Variants in ZNF557 observed in about 807,000 individuals in gnomAD.
ZNF557 encodes the protein zinc finger protein 557.
A neutral mutation model predicts 21.2 loss-of-function variants in ZNF557; 19 were observed. The ratio of observed to expected loss-of-function variants is 0.90; its 90% CI spans 0.63 to 1.32. ZNF557 has a LOEUF of 1.32. ZNF557 is among the 40% of genes most tolerant of loss of function. The pLI is 0.00. For synonymous variants in ZNF557, 207 were observed against 194.8 expected (o/e 1.06, Z -0.52); for missense variants, 487 against 519.8 (o/e 0.94, Z 0.61).
At chr19:7,080,717 C>T (rs1226379616) in intron 5 of ZNF557, among the ~76,000 whole-genome samples, 1 of 152,208 alleles carries the variant, frequency 6.6e-6, no homozygotes, top group Non-Finnish European at 1.5e-5. Context: ...TCACAAATCT[C>T]TCTTACCCAG....
At chr19:7,082,098 C>A (rs1425257079) in intron 7 of ZNF557, 46 bp downstream of exon 7, 1 of 1,478,208 alleles carries the variant, frequency 6.8e-7, no homozygotes. Context: ...TGGTAGAATG[C>A]CCTACATGAG....
At chr19:7,072,493 T>C (rs1977481656) in intron 2 of ZNF557, among the ~76,000 whole-genome samples, 1 of 152,204 alleles carries the variant, frequency 6.6e-6, no homozygotes, top group Admixed American at 6.5e-5. Flanking sequence ...GGCTCTCCAC[T>C]GCCTCTCATG....
intron 2 of ZNF557, among the ~76,000 whole-genome samples, chr19:7,073,148 G>GTTT (rs72453814): frequency 0.024 from 1,099 of 45,108 alleles, 8 homozygotes; most frequent in Non-Finnish European, 0.041. Context: ...TGTTTTTTTG[G>GTTT]TTTTTTTTGT....
chr19:7,079,879 T>G (rs973954191), intron 5 of ZNF557, among the ~76,000 whole-genome samples: 9 of 152,216 alleles, frequency 5.9e-5, no homozygotes, highest in African/African-American at 2.2e-4. Flanking sequence ...TAAAGCATCT[T>G]ACAACTCTGA....
chr19:7,071,799 CAAAAAA>C (rs71177147), intron 2 of ZNF557, among the ~76,000 whole-genome samples: 3 of 55,020 alleles, frequency 5.5e-5, no homozygotes. Flanking sequence ...GACTGCATCT[CAAAAAA>C]AAAAAAAAAA....
At position 7,087,650 on chromosome 19, in the gene ZNF557, A is replaced by C; in HGVS notation, c.*3906A>C. ...TTCTGCATATTACTAGACTTCTTAC[A>C]TGATCACAAGTAACCACTAATTGGT... On this transcript the variant is annotated 3_prime_UTR_variant, in exon 8 of 8. Transcript: ENST00000252840. 1 of 152,030 alleles carries C rather than the reference A, an allele frequency of 6.6e-6. No homozygotes were observed. Among genetic ancestry groups the C allele is most frequent in the Non-Finnish European group, 1.5e-5 (1 of 68,028 alleles). The allele number at this position is 152,030 out of a possible 1,614,324, so 9.4% of individuals were successfully genotyped here. A position where few individuals can be genotyped will look rare whatever the true frequency, so the allele number is the denominator to read the frequency against.
rs1238051718 is a variant in ZNF557, at chr19:7,082,203, CAG to C, written c.426+152_426+153del. 3 of 8,736 alleles carry C rather than the reference CAG, an allele frequency of 3.4e-4. No individual in the cohort carries two copies. In the Admixed American group the frequency reaches 0.012, roughly 34 times the overall value. The allele number at this position is 8,736 out of a possible 1,614,324, so 0.5% of individuals were successfully genotyped here. A position where few individuals can be genotyped will look rare whatever the true frequency, so the allele number is the denominator to read the frequency against. ...AGCTGAGGCAGTTGGATCATGAGGT[CAG>C]GTCAGGAGTTGGAGACCAGCCTGGC... On this transcript the variant is annotated intron_variant, in intron 7 of 7. Coordinates refer to ENST00000252840, the MANE Select transcript of ZNF557 (RefSeq NM_024341.3).
rs1306326765 is a variant in ZNF557, at chr19:7,083,535, T to G, written c.1084T>G (p.Ser362Ala). ...TGGGAAATCCTTTACCAATAGCTTT[T>G]CTCTTACAATTCACAGGAGAATACA... Reference protein sequence around the residue: ...ECGKSFTNSFSLTIHRRIHNG... With the variant: ...ECGKSFTNSFALTIHRRIHNG... The change falls in exon 8 of 8, where the codon TCT becomes GCT. Residue 362 changes from serine to alanine, a missense_variant. Ser to Ala is a moderately conservative substitution (Grantham distance 99, BLOSUM62 1). Coordinates refer to ENST00000252840, the MANE Select transcript of ZNF557 (RefSeq NM_024341.3). 1 of 1,614,088 alleles carries G rather than the reference T, an allele frequency of 6.2e-7. No homozygotes were observed. The highest frequency in any genetic ancestry group is 8.5e-7 in the Non-Finnish European group (1 of 1,180,044).
In ZNF557 at chr19:7,081,378, C is replaced by G; in HGVS notation, c.266C>G (p.Pro89Arg). Residue 89 changes from proline to arginine, a missense_variant, in exon 6 of 8, where the codon CCT becomes CGT. Pro to Arg is a moderately radical substitution (Grantham distance 103). Coordinates refer to ENST00000252840, the MANE Select transcript of ZNF557 (RefSeq NM_024341.3). ...TGTACAGGGAACCAAGTTGATAAAC[C>G]TAGGCTGATCTCCCAGCTGGAGCAA... ...LASLGNQVDK[P>R]RLISQLEQED... 3.1e-6 allele frequency: 5 copies of G among 1,613,708 alleles called. No homozygotes were observed. Among genetic ancestry groups the G allele is most frequent in the Non-Finnish European group, 4.2e-6 (5 of 1,179,770 alleles).
intron 2 of ZNF557, among the ~76,000 whole-genome samples, chr19:7,073,302 C>A (rs933442333): frequency 1.3e-5 from 2 of 151,892 alleles, no homozygotes; most frequent in Non-Finnish European, 2.9e-5. Flanking sequence ...AGGCACCCAC[C>A]ACCATGCCCA....
chr19:7,070,200 C>A (rs901022344), intron 1 of ZNF557, among the ~76,000 whole-genome samples: 1 of 152,194 alleles, frequency 6.6e-6, no homozygotes, highest in African/African-American at 2.4e-5. Context: ...TCTCTGCAGT[C>A]CTGAATACAC....
intron 5 of ZNF557, among the ~76,000 whole-genome samples, chr19:7,077,873 G>T (rs2145170366): frequency 6.6e-6 from 1 of 151,898 alleles, no homozygotes; most frequent in South Asian, 2.1e-4. Context: ...TCTCATTGTG[G>T]TTTTTATTTC....
At chr19:7,081,237 G>C in intron 5 of ZNF557, 123 bp from the exon 6 acceptor site, 1 of 563,010 alleles carries the variant, frequency 1.8e-6, no homozygotes, top group South Asian at 1.9e-5. Context: ...ATTCAATTTT[G>C]GCATAATTAT....
intron 2 of ZNF557, among the ~76,000 whole-genome samples, chr19:7,074,764 G>C (rs1350772712): frequency 2.6e-4 from 24 of 90,672 alleles, no homozygotes; most frequent in South Asian, 4.2e-4. Flanking sequence ...CGGGCTGGAG[G>C]GGGGTGACCG....
At chr19:7,075,506 G>T in intron 3 of ZNF557, 149 bp from the exon 4 acceptor site, 2 of 739,278 alleles carry the variant, frequency 2.7e-6, no homozygotes, top group Non-Finnish European at 4.4e-6. Context: ...GCTGTGGGTT[G>T]GTGTTTGCTT....
chr19:7,082,772 C>A, intron 7 of ZNF557, 106 bp from the exon 8 acceptor site: 3 of 1,192,122 alleles, frequency 2.5e-6, no homozygotes, highest in Non-Finnish European at 3.4e-6. Context: ...ACATTAATTC[C>A]AATACTATGA....
chr19:7,074,957 G>A, intron 2 of ZNF557, 39 bp from the exon 3 acceptor site: 2 of 1,551,968 alleles, frequency 1.3e-6, no homozygotes, highest in South Asian at 2.2e-5. Context: ...CGGGCTGGAG[G>A]GGGTGACCGA....
At position 7,082,990 on chromosome 19, in the gene ZNF557, A is replaced by G. The variant is rs771790125; in HGVS notation, c.539A>G (p.Tyr180Cys). 14 of 1,614,200 alleles carry G rather than the reference A, an allele frequency of 8.7e-6. No individual in the cohort carries two copies. Among genetic ancestry groups the G allele is most frequent in the Middle Eastern group, 1.6e-4 (1 of 6,062 alleles). ...HRKIHTGERP[Y>C]GCSECGKSYS... ...AAGATTCATACTGGAGAAAGACCCT[A>G]TGGCTGCAGTGAATGTGGGAAATCC... The change falls in exon 8 of 8, where the codon TAT becomes TGT. Residue 180 changes from tyrosine to cysteine, a missense_variant. By Grantham distance (194) the Tyr-to-Cys change is radical (BLOSUM62 -2). Transcript: ENST00000252840.
At chr19:7,074,296 G>A (rs941447149) in intron 2 of ZNF557, among the ~76,000 whole-genome samples, 14 of 148,880 alleles carry the variant, frequency 9.4e-5, no homozygotes, top group African/African-American at 3.0e-4. Flanking sequence ...AGGAGCCACC[G>A]CGCCTGGCCA....
Sources: allele counts gnomAD v4.1 joint callset (sites outside exome capture counted in the v4.1 genomes callset), GRCh38; gene constraint gnomAD v4.1.1; transcripts MANE v1.5; gene names NCBI Gene and HGNC (gene_info 2026-07-23, HGNC 2026-07-21).